RTL4: variants seen among roughly 807,000 people sequenced by gnomAD.
RTL4 encodes retrotransposon Gag-like protein 4.
In RTL4, 4 loss-of-function variants were observed where a neutral mutation model predicts 5.3. That is an observed-to-expected ratio of 0.75 (90% CI 0.37 to 1.72). The LOEUF is 1.72. Among genes scored for constraint, RTL4 ranks in the 40% most tolerant of loss-of-function variants. The probability of loss-of-function intolerance (pLI) is 0.04; values close to 1 mark genes in which losing one functional copy is unlikely to be tolerated. For missense variants in RTL4, 260 were observed against 227.1 expected (o/e 1.14, Z -0.93); for synonymous variants, 98 against 87.3 (o/e 1.12, Z -0.68).
the RTL4 span, among the ~76,000 whole-genome samples, chrX:112,353,063 C>T: frequency 8.1e-5 from 9 of 111,696 alleles, no homozygotes; most frequent in Non-Finnish European, 1.3e-4. Flanking sequence ...ATTTATGCAG[C>T]CAAAAAACAC....
At chrX:112,317,602 CA>C in the RTL4 span, among the ~76,000 whole-genome samples, 1 of 111,376 alleles carries the variant, frequency 9.0e-6, no homozygotes, top group African/African-American at 3.3e-5. Flanking sequence ...CCAGGTAAAT[CA>C]GTGTACCTAC....
chrX:112,169,224 C>T, the RTL4 span, among the ~76,000 whole-genome samples: 2 of 108,544 alleles, frequency 1.8e-5, no homozygotes, highest in Non-Finnish European at 3.8e-5. Flanking sequence ...AAGTGATTCT[C>T]CTGCCTCAGC....
the RTL4 span, among the ~76,000 whole-genome samples, chrX:112,217,527 T>G: frequency 8.9e-6 from 1 of 112,026 alleles, no homozygotes; most frequent in African/African-American, 3.2e-5. Flanking sequence ...TCTCACTCAA[T>G]TCATTGATCT....
At chrX:112,169,596 G>A in the RTL4 span, among the ~76,000 whole-genome samples, 15 of 111,754 alleles carry the variant, frequency 1.3e-4, no homozygotes, top group South Asian at 7.7e-4. Flanking sequence ...GGATCAATAC[G>A]TCATCAATCT....
the RTL4 span, among the ~76,000 whole-genome samples, chrX:112,334,157 T>G: frequency 8.9e-6 from 1 of 112,032 alleles, no homozygotes; most frequent in Non-Finnish European, 1.9e-5. Flanking sequence ...TGCTGAGTAG[T>G]ACTACATTGT....
At chrX:112,095,216 G>A in the RTL4 span, among the ~76,000 whole-genome samples, 2 of 111,612 alleles carry the variant, frequency 1.8e-5, no homozygotes, top group African/African-American at 6.5e-5. Context: ...CAAAGCTGGG[G>A]CCATTTCCTT....
At chrX:112,121,691 T>C in the RTL4 span, among the ~76,000 whole-genome samples, 1 of 111,683 alleles carries the variant, frequency 9.0e-6, no homozygotes, top group Non-Finnish European at 1.9e-5. Context: ...TTTTAAAATA[T>C]TAACAAATTG....
At chrX:112,236,494 T>TA in the RTL4 span, among the ~76,000 whole-genome samples, 18 of 66,826 alleles carry the variant, frequency 2.7e-4, no homozygotes, top group Non-Finnish European at 4.9e-4. Context: ...TCTATATCTA[T>TA]ATATAGATAT....
chrX:112,092,363 A>G, the RTL4 span, among the ~76,000 whole-genome samples: 2 of 111,758 alleles, frequency 1.8e-5, no homozygotes, highest in Non-Finnish European at 3.8e-5. Context: ...TAAAGGACCA[A>G]TATGGGAAAG....
chrX:112,292,277 G>A, the RTL4 span, among the ~76,000 whole-genome samples: 2 of 111,638 alleles, frequency 1.8e-5, no homozygotes, highest in African/African-American at 6.5e-5. Context: ...TCTCACTTAA[G>A]GAAAAAGATC....
the RTL4 span, among the ~76,000 whole-genome samples, chrX:112,279,208 C>A: frequency 9.0e-5 from 10 of 111,276 alleles, no homozygotes; most frequent in Non-Finnish European, 1.9e-4. Context: ...ATATGAATTT[C>A]CATATTTAAA....
chrX:112,349,498 T>C, the RTL4 span, among the ~76,000 whole-genome samples: 2 of 109,102 alleles, frequency 1.8e-5, no homozygotes, highest in Non-Finnish European at 3.8e-5. Context: ...CCCATGAGCA[T>C]GGAATGTTCT....
the RTL4 span, among the ~76,000 whole-genome samples, chrX:112,236,411 ATCTATATC>A: frequency 1.0e-3 from 62 of 60,330 alleles, no homozygotes; most frequent in Non-Finnish European, 1.7e-3. Flanking sequence ...ATAGATATAG[ATCTATATC>A]TATATATAGA....
chrX:112,367,715 T>C, the RTL4 span, among the ~76,000 whole-genome samples: 1 of 111,708 alleles, frequency 9.0e-6, no homozygotes, highest in African/African-American at 3.2e-5. Context: ...ATGGTGGAGA[T>C]CACATTCTAG....
At chrX:112,161,844 C>CCTTCCTTTCTTTCTTT in the RTL4 span, among the ~76,000 whole-genome samples, 125 of 40,025 alleles carry the variant, frequency 3.1e-3, 1 homozygote, top group African/African-American at 0.012. Context: ...TTCCTTCCTT[C>CCTTCCTTTCTTTCTTT]CTTTCTTTCT....
At chrX:112,432,825 A>G in the RTL4 span, among the ~76,000 whole-genome samples, 7 of 110,554 alleles carry the variant, frequency 6.3e-5, no homozygotes, top group East Asian at 1.1e-3. Context: ...GGCCTGAATG[A>G]TATTGCCTAG....
the RTL4 span, among the ~76,000 whole-genome samples, chrX:112,303,788 T>A: frequency 1.1e-3 from 118 of 105,712 alleles, 2 homozygotes; most frequent in Admixed American, 4.4e-3. Context: ...AAAAAGAATT[T>A]AAAAAAAAAA....
chrX:112,399,298 C>T, the RTL4 span, among the ~76,000 whole-genome samples: 8 of 111,277 alleles, frequency 7.2e-5, no homozygotes, highest in Non-Finnish European at 1.3e-4. Flanking sequence ...TTGATTTTCT[C>T]TATTGTTTTT....
chrX:112,115,783 G>A, the RTL4 span, among the ~76,000 whole-genome samples: 1 of 112,306 alleles, frequency 8.9e-6, no homozygotes, highest in Non-Finnish European at 1.9e-5. Flanking sequence ...GAAACAGGCA[G>A]TGGTTTTTAG....
Sources: allele counts gnomAD v4.1 joint callset (sites outside exome capture counted in the v4.1 genomes callset), GRCh38; gene constraint gnomAD v4.1.1; transcripts MANE v1.5; gene names NCBI Gene and HGNC (gene_info 2026-07-23, HGNC 2026-07-21).